FABP2: variants seen among roughly 807,000 people sequenced by gnomAD.
FABP2 encodes fatty acid binding protein 2.
A neutral mutation model predicts 16.1 loss-of-function variants in FABP2; 11 were observed. The ratio of observed to expected loss-of-function variants is 0.68; its 90% CI spans 0.43 to 1.13. The LOEUF is 1.13. FABP2 is among the 50% of genes most tolerant of loss of function. The pLI is 0.00. For missense variants in FABP2, 146 were observed against 155.1 expected (o/e 0.94, Z 0.31); for synonymous variants, 45 against 50.9 (o/e 0.88, Z 0.49).
At chr4:119,320,894 T>A in intron 1 of FABP2, 52 bp from the exon 2 acceptor site, 2 of 1,417,622 alleles carry the variant, frequency 1.4e-6, no homozygotes, top group Non-Finnish European at 1.9e-6. Flanking sequence ...ATAGGAAGTG[T>A]TTATTTTTCC....
Position 119,318,496 on chromosome 4 carries a change from C to T in FABP2, c.*545G>A, listed in dbSNP as rs964169593. On this transcript the variant is annotated 3_prime_UTR_variant, in exon 4 of 4. Transcript: ENST00000274024. Reference sequence around the variant, plus strand: ...GGAGGATTGCTTGAGGCCAGGGGTTCAAGACCAGCCTGGGCAATATAGCAA... The same window carrying T: ...GGAGGATTGCTTGAGGCCAGGGGTTTAAGACCAGCCTGGGCAATATAGCAA... 2.0e-5 allele frequency: 3 copies of T among 151,878 alleles called. No homozygotes were observed. In the East Asian group the frequency reaches 5.8e-4, roughly 29 times the overall value. 9.4% of individuals were successfully genotyped at this position (151,878 alleles called of 1,614,324 possible). A position where few individuals can be genotyped will look rare whatever the true frequency, so the allele number is the denominator to read the frequency against.
chr4:119,319,216 T>C (rs1267411645), intron 3 of FABP2, 125 bp from the exon 4 acceptor site: 2 of 396,836 alleles, frequency 5.0e-6, no homozygotes, highest in Non-Finnish European at 4.3e-6. Flanking sequence ...TCATATATAT[T>C]ATATGAGTAT....
Position 119,320,742 on chromosome 4 carries a change from A to G in FABP2, c.168T>C (p.Phe56=), listed in dbSNP as rs1341334884. 3.7e-6 allele frequency: 6 copies of G among 1,607,026 alleles called. No individual in the cohort carries two copies. Among genetic ancestry groups the G allele is most frequent in the Non-Finnish European group, 4.2e-6 (5 of 1,177,642 alleles). ...NKFTVKESST[F]RNIEVVFELG... ...GTTCAAAAACAACTTCAATGTTTCG[A>G]AAAGTGCTTGATTCTTTGACTGTGA... Residue 56 remains phenylalanine (F), a synonymous_variant, in exon 2 of 4, where the codon TTT becomes TTC. Transcript: ENST00000274024.
chr4:119,319,470 T>G, intron 3 of FABP2, 66 bp downstream of exon 3: 1 of 901,808 alleles, frequency 1.1e-6, no homozygotes, highest in Non-Finnish European at 1.8e-6. Context: ...GGCTCAGCAG[T>G]GACAAAAATT....
At chr4:119,321,617 C>A (rs4834771) in intron 1 of FABP2, among the ~76,000 whole-genome samples, 86,119 of 151,822 alleles carry the variant, frequency 0.57, 24,433 homozygotes, top group East Asian at 0.63. Context: ...ACTTATTCAG[C>A]GCTATAAATT....
chr4:119,319,705 T>C lies in FABP2; in HGVS notation c.241-62A>G, dbSNP rs940014692. The C allele has an allele frequency of 6.8e-6, 5 of 731,404 alleles. No homozygotes were observed. In the East Asian group the frequency reaches 2.0e-4, roughly 30 times the overall value. The allele number at this position is 731,404 out of a possible 1,614,324, so 45.3% of individuals were successfully genotyped here. A position where few individuals can be genotyped will look rare whatever the true frequency, so the allele number is the denominator to read the frequency against. On this transcript the variant is annotated intron_variant, in intron 2 of 3. Transcript: ENST00000274024. ...GGCATTTATTAGGGTCTTACACATGTCAGGCACTGTTCTGAGTTCTGTAGA... is the reference window on the plus strand; with the variant it reads ...GGCATTTATTAGGGTCTTACACATGCCAGGCACTGTTCTGAGTTCTGTAGA...
In FABP2 at chr4:119,317,696, G is replaced by A. The variant is rs1271747372; in HGVS notation, c.*1345C>T. On this transcript the variant is annotated 3_prime_UTR_variant, in exon 4 of 4. Coordinates refer to ENST00000274024, the MANE Select transcript of FABP2 (RefSeq NM_000134.4). ...AAAGAATTTGTCAAAAGTCTATAGA[G>A]TTGCAGCTGCAAATGCTTAAAAATT... 1 of 152,068 alleles carries A rather than the reference G, an allele frequency of 6.6e-6. No homozygotes were observed. The highest frequency in any genetic ancestry group is 2.4e-5 in the African/African-American group (1 of 41,426). 9.4% of individuals were successfully genotyped at this position (152,068 alleles called of 1,614,324 possible).
At chr4:119,321,645 A>G (rs1561400282) in intron 1 of FABP2, among the ~76,000 whole-genome samples, 1 of 152,114 alleles carries the variant, frequency 6.6e-6, no homozygotes, top group Non-Finnish European at 1.5e-5. Flanking sequence ...AACCTTTTCC[A>G]TTACTTTCTT....
intron 2 of FABP2, among the ~76,000 whole-genome samples, 169 bp from the exon 3 acceptor site, chr4:119,319,812 A>G (rs146915763): frequency 2.6e-4 from 40 of 152,074 alleles, no homozygotes; most frequent in African/African-American, 9.4e-4. Context: ...AGACTGTAAA[A>G]TGGCACAGTG....
intron 1 of FABP2, among the ~76,000 whole-genome samples, chr4:119,321,486 C>A (rs1755669127): frequency 6.6e-6 from 1 of 152,054 alleles, no homozygotes; most frequent in Non-Finnish European, 1.5e-5. Context: ...AGTATATGGG[C>A]TGCCAGAGTA....
chr4:119,319,539 G>T lies in FABP2; in HGVS notation c.345C>A (p.Val115=). ...AGCTATAAATTTGACAACTCACCTG[G>T]ACTAGTTCATCACCTATAATTTCTC... ...TVREIIGDEL[V]QTYVYEGVEA... Residue 115 remains valine, a synonymous_variant, in exon 3 of 4, where the codon GTC becomes GTA. Coordinates refer to ENST00000274024, the MANE Select transcript of FABP2 (RefSeq NM_000134.4). 1 of 1,557,386 alleles carries T rather than the reference G, an allele frequency of 6.4e-7. No individual in the cohort carries two copies. The highest frequency in any genetic ancestry group is 8.7e-7 in the Non-Finnish European group (1 of 1,147,864).
intron 1 of FABP2, among the ~76,000 whole-genome samples, chr4:119,321,542 AC>A (rs1394351911): frequency 6.6e-6 from 1 of 152,110 alleles, no homozygotes; most frequent in Non-Finnish European, 1.5e-5. Context: ...CCTGGAGAAA[AC>A]TACACAGCTT....
rs1403556385 is a variant in FABP2 at position 119,322,093 on chromosome 4, C to A, written c.10G>T (p.Asp4Tyr). ...CTCCGGTCTACCTTCCAAGTGCTGT[C>A]AAACGCCATGATTTCAGTTGAGTCA... MAF[D>Y]STWKVDRSEN... Residue 4 changes from aspartate to tyrosine, a missense_variant, in exon 1 of 4, where the codon GAC becomes TAC. Transcript: ENST00000274024. 6.2e-7 allele frequency: 1 copy of A among 1,613,146 alleles called. No individual in the cohort carries two copies. Among genetic ancestry groups the A allele is most frequent in the East Asian group, 2.2e-5 (1 of 44,802 alleles).
chr4:119,321,563 ATTCCAAAACTT>A (rs1755669992), intron 1 of FABP2, among the ~76,000 whole-genome samples: 1 of 152,160 alleles, frequency 6.6e-6, no homozygotes, highest in Non-Finnish European at 1.5e-5. Context: ...TCTCAAGATT[ATTCCAAAACTT>A]TTTTAAGTTA....
rs776679620 is a variant in FABP2 at position 119,319,652 on chromosome 4, T to TAAG, written c.241-10_241-9insCTT. The TAAG allele has an allele frequency of 7.6e-6, 7 of 927,114 alleles. No homozygotes were observed. In the South Asian group the frequency reaches 1.6e-4, roughly 21 times the overall value. The allele number at this position is 927,114 out of a possible 1,614,324, so 57.4% of individuals were successfully genotyped here. A position where few individuals can be genotyped will look rare whatever the true frequency, so the allele number is the denominator to read the frequency against. ...TCAAGGCTCCAGGTCCCCTACATAA[T>TAAG]AATAATAATAATAATAATAATAATA... On this transcript the variant is annotated splice_polypyrimidine_tract_variant and intron_variant, in intron 2 of 3. Coordinates refer to ENST00000274024, the MANE Select transcript of FABP2 (RefSeq NM_000134.4).
At position 119,319,082 on chromosome 4, in the gene FABP2, A is replaced by G. The variant is rs748978300; in HGVS notation, c.358T>C (p.Tyr120His). ...ATCCTTTTGGCTTCTACTCCTTCAT[A>G]TACATAAGTCTGAAAGGTGTTAACA... Reference protein sequence around the residue: ...IGDELVQTYVYEGVEAKRIFK... With the variant: ...IGDELVQTYVHEGVEAKRIFK... The change falls in exon 4 of 4, where the codon TAT (tyrosine) becomes CAT (histidine). Residue 120 changes from tyrosine to histidine, a missense_variant. Physicochemically the swap from Tyr to His is moderately conservative, Grantham distance 83. Transcript: ENST00000274024. 6.2e-7 allele frequency: 1 copy of G among 1,600,254 alleles called. No individual in the cohort carries two copies. Among genetic ancestry groups the G allele is most frequent in the Non-Finnish European group, 8.5e-7 (1 of 1,173,762 alleles).
At position 119,319,473 on chromosome 4, in the gene FABP2, CAA is replaced by C. The variant is rs1439947533; in HGVS notation, c.348+61_348+62del. 4.1e-6 allele frequency: 4 copies of C among 965,670 alleles called. No individual in the cohort carries two copies. In the African/African-American group the frequency reaches 5.0e-5, roughly 12 times the overall value. 59.8% of individuals were successfully genotyped at this position (965,670 alleles called of 1,614,324 possible). On this transcript the variant is annotated intron_variant, in intron 3 of 3. Coordinates refer to ENST00000274024, the MANE Select transcript of FABP2 (RefSeq NM_000134.4). ...TACTGAAGATCTGGCTCAGCAGTGA[CAA>C]AAATTATTGTTTTGTAGTAATTTTT...
At position 119,317,656 on chromosome 4, in the gene FABP2, C is replaced by G. The variant is rs1006361536; in HGVS notation, c.*1385G>C. On this transcript the variant is annotated 3_prime_UTR_variant, in exon 4 of 4. Coordinates refer to ENST00000274024, the MANE Select transcript of FABP2 (RefSeq NM_000134.4). ...AACTATGTAAATGTTAAGCTGTTAT[C>G]TACATCAGTGTGAAAAAGAATTTGT... 6.6e-6 allele frequency: 1 copy of G among 152,038 alleles called. No homozygotes were observed. Among genetic ancestry groups the G allele is most frequent in the African/African-American group, 2.4e-5 (1 of 41,396 alleles). 9.4% of individuals were successfully genotyped at this position (152,038 alleles called of 1,614,324 possible).
Position 119,320,678 on chromosome 4 carries a change from C to T in FABP2, c.232G>A (p.Glu78Lys). ...TFNYNLADGT[E>K]LRGTWSLEGN... ...AAAAAAAAAATTCTTACCCTGAGTTCAGTTCCGTCTGCTAGATTGTAATTA... is the reference window on the plus strand; with the variant it reads ...AAAAAAAAAATTCTTACCCTGAGTTTAGTTCCGTCTGCTAGATTGTAATTA... The change falls in exon 2 of 4, where the codon GAA becomes AAA. Residue 78 changes from glutamate to lysine, a missense_variant. Physicochemically the swap from Glu to Lys is moderately conservative, Grantham distance 56. Coordinates refer to ENST00000274024, the MANE Select transcript of FABP2 (RefSeq NM_000134.4). The T allele has an allele frequency of 6.4e-7, 1 of 1,571,536 alleles. No homozygotes were observed. The highest frequency in any genetic ancestry group is 8.6e-7 in the Non-Finnish European group (1 of 1,166,910).
Sources: gnomAD v4.1 joint callset for allele counts (sites outside exome capture counted in the v4.1 genomes callset) on GRCh38, gnomAD v4.1.1 for gene constraint, MANE v1.5 for transcripts, NCBI Gene and HGNC (gene_info 2026-07-23, HGNC 2026-07-21) for gene names.